Variants in ANGPT1 observed in about 807,000 individuals in gnomAD.
ANGPT1 encodes angiopoietin 1, also known as angiopoietin-1.
In ANGPT1, 17 loss-of-function variants were observed where a neutral mutation model predicts 62.2. That is an observed-to-expected ratio of 0.27 (90% CI 0.19 to 0.41). The LOEUF is 0.41. Ranked by LOEUF, ANGPT1 falls within the 10% of genes least tolerant of loss-of-function variation. The pLI is 1.00. For missense variants in ANGPT1, 478 were observed against 594.9 expected, an observed-to-expected ratio of 0.80 and a Z score of 2.04; for synonymous variants, 199 against 198.9, an observed-to-expected ratio of 1.00 and a Z score of 0.00.
rs1198767661 is a variant in ANGPT1, at chr8:107,370,392, G to GAAAA, written c.298-23296_298-23295insTTTT. The stretch of plus-strand genomic sequence containing the variant: ...AGAAAGAAAGAAAGAAAGAAAGAAA[G>GAAAA]AAAGAAAGAAAGAAAGAGTCAGGGT... On this transcript the variant is annotated intron_variant, in intron 1 of 8. Coordinates refer to ENST00000517746, the MANE Select transcript of ANGPT1 (RefSeq NM_001146.5). Among the ~76,000 whole-genome samples, 6 of 68,242 alleles carry GAAAA rather than the reference G, an allele frequency of 8.8e-5. 1 individual carries two copies. The highest frequency in any genetic ancestry group is 1.4e-4 in the Non-Finnish European group (4 of 28,316). The allele number at this position is 68,242 out of a possible 152,430, so 44.8% of individuals were successfully genotyped here.
At chr8:107,416,107 C>T (rs1810736020) in intron 1 of ANGPT1, among the ~76,000 whole-genome samples, 2 of 152,112 alleles carry the variant, frequency 1.3e-5, no homozygotes, top group African/African-American at 4.8e-5. Flanking sequence ...ATCAATTCTG[C>T]AGGGGAAATC....
intron 1 of ANGPT1, among the ~76,000 whole-genome samples, chr8:107,370,529 T>G (rs974306867): frequency 7.3e-6 from 1 of 136,802 alleles, no homozygotes; most frequent in South Asian, 2.5e-4. Context: ...CTGCCCAACA[T>G]GGTCTCTACT....
At chr8:107,325,070 T>C (rs1459307502) in intron 3 of ANGPT1, among the ~76,000 whole-genome samples, 1 of 152,198 alleles carries the variant, frequency 6.6e-6, no homozygotes, top group Non-Finnish European at 1.5e-5. Context: ...GTATGATTCA[T>C]CTTCTTTTAC....
chr8:107,383,080 C>G (rs973974639), intron 1 of ANGPT1, among the ~76,000 whole-genome samples: 2 of 152,174 alleles, frequency 1.3e-5, no homozygotes, highest in Non-Finnish European at 2.9e-5. Context: ...CAAGTCTACA[C>G]TGTACAGAAA....
chr8:107,497,138 G>T, intron 1 of ANGPT1, 124 bp downstream of exon 1: 2 of 1,160,880 alleles, frequency 1.7e-6, no homozygotes, highest in Non-Finnish European at 1.2e-6. Context: ...TCTTGCAATT[G>T]CAAACACTGC....
intron 1 of ANGPT1, among the ~76,000 whole-genome samples, chr8:107,408,649 C>T (rs1817199080): frequency 6.6e-6 from 1 of 152,196 alleles, no homozygotes; most frequent in African/African-American, 2.4e-5. Flanking sequence ...AATAAAGGAA[C>T]TCTTATCTTT....
chr8:107,477,702 T>C (rs1203878643), intron 1 of ANGPT1, among the ~76,000 whole-genome samples: 5 of 152,216 alleles, frequency 3.3e-5, no homozygotes, highest in Admixed American at 3.3e-4. Context: ...CTTGATTTTA[T>C]ATTCTATAAA....
intron 4 of ANGPT1, among the ~76,000 whole-genome samples, chr8:107,314,577 A>T (rs1194864298): frequency 6.6e-6 from 1 of 152,208 alleles, no homozygotes; most frequent in Admixed American, 6.5e-5. Flanking sequence ...TTTTGCCTTA[A>T]GCCACTGGGT....
intron 1 of ANGPT1, among the ~76,000 whole-genome samples, chr8:107,486,750 T>C (rs562663533): frequency 6.6e-6 from 1 of 152,172 alleles, no homozygotes; most frequent in Non-Finnish European, 1.5e-5. Flanking sequence ...ATCCAAGCAG[T>C]TTGACTCTAG....
At chr8:107,492,812 C>A (rs924567825) in intron 1 of ANGPT1, among the ~76,000 whole-genome samples, 1 of 150,332 alleles carries the variant, frequency 6.7e-6, no homozygotes, top group African/African-American at 2.5e-5. Flanking sequence ...TAATTAAGTT[C>A]TCATGTGCAC....
At chr8:107,481,761 G>T (rs183271432) in intron 1 of ANGPT1, among the ~76,000 whole-genome samples, 1 of 152,030 alleles carries the variant, frequency 6.6e-6, no homozygotes, top group African/African-American at 2.4e-5. Context: ...AATGAGTCCC[G>T]AGCGAAGGGG....
At chr8:107,267,108 A>C (rs1813632318) in intron 7 of ANGPT1, among the ~76,000 whole-genome samples, 2 of 152,076 alleles carry the variant, frequency 1.3e-5, no homozygotes, top group African/African-American at 4.8e-5. Flanking sequence ...GAACACTATA[A>C]GTAAAGCTTC....
chr8:107,388,964 T>A (rs796538142), intron 1 of ANGPT1, among the ~76,000 whole-genome samples: 7 of 152,294 alleles, frequency 4.6e-5, no homozygotes, highest in African/African-American at 1.7e-4. Flanking sequence ...AATTTGAAGA[T>A]CTATGGCTAT....
At chr8:107,370,272 AAAG>A (rs1337955304) in intron 1 of ANGPT1, among the ~76,000 whole-genome samples, 1 of 149,252 alleles carries the variant, frequency 6.7e-6, no homozygotes, top group Non-Finnish European at 1.5e-5. Flanking sequence ...AAAGAGAAGG[AAAG>A]AAGAAAGAAA....
At chr8:107,421,007 A>G (rs1001218750) in intron 1 of ANGPT1, among the ~76,000 whole-genome samples, 1 of 152,134 alleles carries the variant, frequency 6.6e-6, no homozygotes, top group Non-Finnish European at 1.5e-5. Flanking sequence ...CCACTGGTTT[A>G]ATTCTTTATT....
At chr8:107,277,904 G>A (rs1813903010) in intron 7 of ANGPT1, among the ~76,000 whole-genome samples, 2 of 152,076 alleles carry the variant, frequency 1.3e-5, no homozygotes, top group South Asian at 4.1e-4. Flanking sequence ...GAAGCTGGAT[G>A]GGATCCTGAA....
intron 1 of ANGPT1, among the ~76,000 whole-genome samples, chr8:107,393,988 G>T (rs947484999): frequency 6.6e-6 from 1 of 152,184 alleles, no homozygotes; most frequent in African/African-American, 2.4e-5. Context: ...GTCTTTGGAA[G>T]TAATCCACAT....
chr8:107,268,160 G>C (rs1586172786), intron 7 of ANGPT1, among the ~76,000 whole-genome samples: 1 of 152,076 alleles, frequency 6.6e-6, no homozygotes, highest in Non-Finnish European at 1.5e-5. Flanking sequence ...CTCTGAGATA[G>C]AGAAAGGCCT....
intron 1 of ANGPT1, among the ~76,000 whole-genome samples, chr8:107,493,278 A>G (rs1288774827): frequency 1.3e-5 from 2 of 150,460 alleles, no homozygotes; most frequent in Admixed American, 6.7e-5. Context: ...CACCACAACA[A>G]CTTTGAACTA....
Sources: gnomAD v4.1 joint callset for allele counts (sites outside exome capture counted in the v4.1 genomes callset) on GRCh38, gnomAD v4.1.1 for gene constraint, MANE v1.5 for transcripts, NCBI Gene and HGNC (gene_info 2026-07-23, HGNC 2026-07-21) for gene names.